CFAP20DC: variants seen among roughly 807,000 people sequenced by gnomAD.
CFAP20DC encodes protein CFAP20DC.
CFAP20DC carries 84 observed loss-of-function variants against 101.7 expected under a neutral mutation model. The ratio of observed to expected loss-of-function variants is 0.83; its 90% confidence interval spans 0.69 to 0.99. The LOEUF is 0.99. Among genes scored for constraint, CFAP20DC ranks in the 50% least tolerant of loss-of-function variants. The pLI is 0.00. For missense variants in CFAP20DC, 1,007 were observed against 970.3 expected (o/e 1.04, Z -0.50); for synonymous variants, 359 against 351.2 (o/e 1.02, Z -0.25).
At chr3:59,040,403 T>A (rs1421421423) in intron 3 of CFAP20DC, among the ~76,000 whole-genome samples, 2 of 152,070 alleles carry the variant, frequency 1.3e-5, no homozygotes, top group East Asian at 3.9e-4. Flanking sequence ...TCTTAGGTTT[T>A]GAACTTTTGC....
chr3:58,855,801 C>T (rs1483594124), intron 12 of CFAP20DC, among the ~76,000 whole-genome samples: 2 of 127,204 alleles, frequency 1.6e-5, no homozygotes, highest in Non-Finnish European at 3.1e-5. Context: ...CACATGGACA[C>T]AGAAAGGGGA....
chr3:58,931,340 G>T (rs566084761), intron 5 of CFAP20DC, among the ~76,000 whole-genome samples: 1 of 152,206 alleles, frequency 6.6e-6, no homozygotes, highest in South Asian at 2.1e-4. Flanking sequence ...ACCTTTGGGG[G>T]CAGGGCACAG....
intron 4 of CFAP20DC, among the ~76,000 whole-genome samples, chr3:59,029,294 T>A (rs937902983): frequency 6.6e-6 from 1 of 152,108 alleles, no homozygotes; most frequent in Non-Finnish European, 1.5e-5. Context: ...AAAAGACACA[T>A]AATTAAATAA....
chr3:58,888,460 T>C (rs1349400476), intron 6 of CFAP20DC, among the ~76,000 whole-genome samples: 1 of 152,192 alleles, frequency 6.6e-6, no homozygotes, highest in African/African-American at 2.4e-5. Context: ...GCAGGTTTAT[T>C]ACATAGGTAA....
At chr3:58,883,279 G>A (rs1424263086) in intron 7 of CFAP20DC, among the ~76,000 whole-genome samples, 3 of 152,108 alleles carry the variant, frequency 2.0e-5, no homozygotes, top group Non-Finnish European at 1.5e-5. Context: ...TTTAAGCCTG[G>A]ATTGCTGCAG....
At chr3:58,954,359 C>T (rs776404436) in intron 4 of CFAP20DC, among the ~76,000 whole-genome samples, 2 of 152,156 alleles carry the variant, frequency 1.3e-5, no homozygotes, top group African/African-American at 2.4e-5. Context: ...TAAAACTGAT[C>T]TCAGACTTCT....
At chr3:59,012,580 T>C (rs1223707239) in intron 4 of CFAP20DC, among the ~76,000 whole-genome samples, 7 of 152,220 alleles carry the variant, frequency 4.6e-5, no homozygotes, top group African/African-American at 1.7e-4. Flanking sequence ...AGACCTTCAA[T>C]ACCACAGTAA....
intron 4 of CFAP20DC, among the ~76,000 whole-genome samples, chr3:59,037,435 TAAAAA>T (rs534904847): frequency 8.0e-6 from 1 of 124,438 alleles, no homozygotes; most frequent in Non-Finnish European, 1.8e-5. Flanking sequence ...CAATTTACAA[TAAAAA>T]AAAAAAAACT....
At chr3:58,949,407 A>C (rs1470666512) in intron 4 of CFAP20DC, among the ~76,000 whole-genome samples, 2 of 151,602 alleles carry the variant, frequency 1.3e-5, no homozygotes, top group East Asian at 1.9e-4. Context: ...TCCTGCTTTC[A>C]CTTGTGGGCA....
At chr3:58,740,359 A>G (rs2067853972), downstream of CFAP20DC, among the ~76,000 whole-genome samples, 2 of 152,064 alleles carry the variant, frequency 1.3e-5, no homozygotes, top group African/African-American at 4.8e-5. This position sits in a 1 kb window ranked among gnomAD's most constrained non-coding sequence, Gnocchi z 4.6. Flanking sequence ...GGGATAACTG[A>G]TGAGTTAATC....
rs1394587148 is a variant in CFAP20DC, at chr3:58,971,601, A to T, written c.279-33839T>A. Among the ~76,000 whole-genome samples, 1 of 152,202 alleles carries T rather than the reference A, an allele frequency of 6.6e-6. No homozygotes were observed. The highest frequency in any genetic ancestry group is 1.5e-5 in the Non-Finnish European group (1 of 68,042). ...GGTACACAAAGATACACACATGGATATTCATGGTAACACTAATAGCAAAAC... is the reference window on the plus strand; with the variant it reads ...GGTACACAAAGATACACACATGGATTTTCATGGTAACACTAATAGCAAAAC... On this transcript the variant is annotated intron_variant, in intron 4 of 16. Coordinates refer to ENST00000482387, the MANE Select transcript of CFAP20DC (RefSeq NM_001394063.1). The surrounding 1 kb of genome is among the most constrained non-coding windows in gnomAD (Gnocchi z 4.1).
intron 4 of CFAP20DC, among the ~76,000 whole-genome samples, chr3:58,980,928 A>G (rs1287739328): frequency 6.6e-6 from 1 of 152,250 alleles, no homozygotes; most frequent in African/African-American, 2.4e-5. Flanking sequence ...CCCTGTTTGC[A>G]GATGACATGA....
chr3:58,741,987 A>G (rs1214273343), downstream of CFAP20DC: 1 of 732,634 alleles, frequency 1.4e-6, no homozygotes, highest in African/African-American at 1.9e-5. Context: ...GGGTGAATGA[A>G]AAGAAGCAGT....
At chr3:58,952,651 A>G (rs572827020) in intron 4 of CFAP20DC, among the ~76,000 whole-genome samples, 2 of 151,996 alleles carry the variant, frequency 1.3e-5, no homozygotes, top group African/African-American at 4.8e-5. Flanking sequence ...GTTGCAGGCT[A>G]TGACATCTTT....
intron 14 of CFAP20DC, among the ~76,000 whole-genome samples, chr3:58,819,460 A>C (rs1290680037): frequency 4.0e-5 from 6 of 150,256 alleles, no homozygotes; most frequent in Non-Finnish European, 8.9e-5. Context: ...TAAAGGGGAT[A>C]TCACCACCGA....
downstream of CFAP20DC, chr3:58,737,341 C>A: frequency 2.4e-6 from 1 of 416,606 alleles, no homozygotes. The surrounding 1 kb of genome is among the most constrained non-coding windows in gnomAD (Gnocchi z 4.1). Context: ...CCCACCCACC[C>A]AACTAACCAA....
At chr3:58,960,016 A>T (rs985589188) in intron 4 of CFAP20DC, among the ~76,000 whole-genome samples, 2 of 152,156 alleles carry the variant, frequency 1.3e-5, no homozygotes, top group African/African-American at 4.8e-5. Context: ...CTGCCTTTCA[A>T]GGAATTTTTC....
chr3:59,046,453 T>A (rs1047718919), intron 2 of CFAP20DC, 131 bp from the exon 3 acceptor site: 4 of 627,712 alleles, frequency 6.4e-6, no homozygotes, highest in Non-Finnish European at 1.1e-5. Flanking sequence ...GCTCAGGCCT[T>A]AGTACTTTTA....
chr3:58,823,070 C>A (rs975804688), intron 14 of CFAP20DC, among the ~76,000 whole-genome samples: 1 of 152,122 alleles, frequency 6.6e-6, no homozygotes, highest in African/African-American at 2.4e-5. Flanking sequence ...TTCCTCTCTT[C>A]ATCAAACCTG....
Sources: allele counts gnomAD v4.1 joint callset (sites outside exome capture counted in the v4.1 genomes callset), GRCh38; gene constraint gnomAD v4.1.1; non-coding constraint Gnocchi (gnomAD v3.1); transcripts MANE v1.5; gene names NCBI Gene and HGNC (gene_info 2026-07-23, HGNC 2026-07-21).